Variants in DCHS2 observed in about 807,000 individuals in gnomAD.
DCHS2 encodes dachsous cadherin-related 2.
DCHS2 carries 142 observed loss-of-function variants against 182.4 expected under a neutral mutation model. The observed-to-expected ratio is 0.78, with a 90% CI of 0.68 to 0.89. The LOEUF (loss-of-function observed/expected upper bound fraction) is 0.89, where lower values mean the gene tolerates loss of function less well. Ranked by LOEUF, DCHS2 falls within the 40% of genes least tolerant of loss-of-function variation. The pLI is 0.00. For missense variants in DCHS2, 4,319 were observed against 4,198.6 expected (o/e 1.03, Z -0.79); for synonymous variants, 1,740 against 1,663.3 (o/e 1.05, Z -1.12).
intron 1 of DCHS2, among the ~76,000 whole-genome samples, chr4:154,447,735 T>G (rs1734361610): frequency 6.6e-6 from 1 of 152,198 alleles, no homozygotes; most frequent in Non-Finnish European, 1.5e-5. Context: ...AAGTTAAAAC[T>G]ATTATATGAT....
chr4:154,423,089 TA>T (rs1560749582), intron 1 of DCHS2, among the ~76,000 whole-genome samples: 1 of 152,238 alleles, frequency 6.6e-6, no homozygotes, highest in Non-Finnish European at 1.5e-5. Context: ...ACTCATACCA[TA>T]AACTCCACCC....
In DCHS2 at chr4:154,236,406, T is replaced by A. The variant is rs767869368; in HGVS notation, c.8246A>T (p.His2749Leu). 6.2e-7 allele frequency: 1 copy of A among 1,613,958 alleles called. No individual in the cohort carries two copies. The highest frequency in any genetic ancestry group is 2.2e-5 in the East Asian group (1 of 44,846). ...GACAAACACAACTGCAAAAGAAAAA[T>A]GTTTCTTTTCTGCATCTGAAGCTTG... ...TVQASDAEKK[H>L]FSFAVVFVSV... The change falls in exon 20 of 20, where the codon CAT becomes CTT. Residue 2749 changes from histidine (H) to leucine (L), a missense_variant. Physicochemically the swap from His to Leu is moderately conservative, Grantham distance 99 (BLOSUM62 -3). Coordinates refer to ENST00000357232, the MANE Select transcript of DCHS2 (RefSeq NM_001358235.2).
chr4:154,323,450 C>A, intron 7 of DCHS2: 1 of 1,392,426 alleles, frequency 7.2e-7, no homozygotes, highest in Admixed American at 2.6e-5. Context: ...ACACCTTGGC[C>A]TCCCAGATAG....
At chr4:154,254,057 G>A (rs1344630346) in intron 16 of DCHS2, among the ~76,000 whole-genome samples, 1 of 152,178 alleles carries the variant, frequency 6.6e-6, no homozygotes, top group Non-Finnish European at 1.5e-5. Context: ...CCCTGAGCAA[G>A]CCACTGTATT....
chr4:154,400,352 G>A (rs1206999726), intron 1 of DCHS2, among the ~76,000 whole-genome samples: 2 of 145,220 alleles, frequency 1.4e-5, no homozygotes, highest in East Asian at 4.2e-4. Flanking sequence ...CTTATTGTTT[G>A]ATGATATAAG....
intron 2 of DCHS2, chr4:154,373,873 C>T (rs777689011): frequency 1.2e-5 from 18 of 1,493,734 alleles, no homozygotes; most frequent in Admixed American, 1.9e-5. Context: ...CATTTCCAGG[C>T]ACCAGATGTT....
Position 154,490,601 on chromosome 4 carries a change from C to G in DCHS2, c.755G>C (p.Arg252Pro), listed in dbSNP as rs994816537. 1 of 1,547,664 alleles carries G rather than the reference C, an allele frequency of 6.5e-7. No homozygotes were observed. The highest frequency in any genetic ancestry group is 8.7e-7 in the Non-Finnish European group (1 of 1,146,448). Residue 252 changes from arginine (R) to proline (P), a missense_variant, in exon 1 of 20, where the codon CGG becomes CCG. Arg to Pro is a moderately radical substitution (Grantham distance 103, BLOSUM62 -2). Coordinates refer to ENST00000357232, the MANE Select transcript of DCHS2 (RefSeq NM_001358235.2). ...CGCCGCCTCCTCTCGGTCCAAGCGC[C>G]GCAGCAGCACCAGATCTAGAGGCTC... ...PLEPLDLVLL[R>P]RLDREEAAAH...
intron 16 of DCHS2, among the ~76,000 whole-genome samples, chr4:154,242,998 A>C (rs531885718): frequency 1.3e-5 from 2 of 152,310 alleles, no homozygotes; most frequent in South Asian, 4.1e-4. Flanking sequence ...GCAAGCTGCC[A>C]GGGATCATGA....
intron 1 of DCHS2, among the ~76,000 whole-genome samples, chr4:154,445,151 T>C (rs1464052756): frequency 6.6e-6 from 1 of 152,190 alleles, no homozygotes; most frequent in East Asian, 1.9e-4. Context: ...TACTTCTTCA[T>C]TATCTTTCTC....
chr4:154,262,462 C>G (rs993468370), intron 14 of DCHS2, among the ~76,000 whole-genome samples: 1 of 152,170 alleles, frequency 6.6e-6, no homozygotes, highest in Non-Finnish European at 1.5e-5. Context: ...AAACTAACAC[C>G]TTCCTTAGAG....
intron 13 of DCHS2, chr4:154,284,596 G>A (rs1232754360): frequency 6.6e-6 from 1 of 152,428 alleles, no homozygotes; most frequent in African/African-American, 2.4e-5. Context: ...GAGAGGGTGA[G>A]CATGGTGATT....
At chr4:154,413,379 G>A (rs1385031081) in intron 1 of DCHS2, among the ~76,000 whole-genome samples, 5 of 152,106 alleles carry the variant, frequency 3.3e-5, no homozygotes, top group African/African-American at 1.2e-4. Flanking sequence ...GTTCTATATT[G>A]CTACTTATAT....
chr4:154,389,390 C>A (rs1394155846), intron 1 of DCHS2, among the ~76,000 whole-genome samples: 1 of 151,728 alleles, frequency 6.6e-6, no homozygotes, highest in Non-Finnish European at 1.5e-5. Flanking sequence ...AGGAATACCA[C>A]TTCAGAATGA....
intron 16 of DCHS2, among the ~76,000 whole-genome samples, chr4:154,252,006 ATTAT>A (rs1357954282): frequency 1.3e-5 from 2 of 151,628 alleles, no homozygotes; most frequent in Admixed American, 6.6e-5. Flanking sequence ...AAAACTAAAA[ATTAT>A]TTAATACATT....
intron 1 of DCHS2, among the ~76,000 whole-genome samples, chr4:154,447,582 C>A (rs1218219928): frequency 6.6e-6 from 1 of 152,116 alleles, no homozygotes; most frequent in African/African-American, 2.4e-5. Context: ...ATTCTCCATA[C>A]TGAATTTCAA....
chr4:154,335,959 G>A (rs1419148710), intron 3 of DCHS2, among the ~76,000 whole-genome samples: 1 of 152,178 alleles, frequency 6.6e-6, no homozygotes, highest in African/African-American at 2.4e-5. Flanking sequence ...ATGCAGGCTA[G>A]CGCAGGGTTG....
chr4:154,371,851 G>GA (rs1468319525), intron 2 of DCHS2, among the ~76,000 whole-genome samples: 1 of 152,124 alleles, frequency 6.6e-6, no homozygotes, highest in Non-Finnish European at 1.5e-5. Flanking sequence ...CAGTACCGGA[G>GA]GGGGATGGTG....
At chr4:154,302,627 A>G (rs1219121817) in intron 12 of DCHS2, among the ~76,000 whole-genome samples, 1 of 151,848 alleles carries the variant, frequency 6.6e-6, no homozygotes, top group African/African-American at 2.4e-5. Flanking sequence ...GCTCCTGGAA[A>G]GATTTCTGAG....
chr4:154,338,111 G>A (rs1009717372), intron 3 of DCHS2, among the ~76,000 whole-genome samples: 3 of 152,096 alleles, frequency 2.0e-5, no homozygotes, highest in African/African-American at 7.2e-5. Flanking sequence ...CTTAGCTCTA[G>A]CTACCACTAT....
Sources: allele counts gnomAD v4.1 joint callset (sites outside exome capture counted in the v4.1 genomes callset), GRCh38; gene constraint gnomAD v4.1.1; transcripts MANE v1.5; gene names NCBI Gene and HGNC (gene_info 2026-07-23, HGNC 2026-07-21).